Variants in ALDH1A2 observed in about 807,000 individuals in gnomAD.
ALDH1A2 encodes retinal dehydrogenase 2.
ALDH1A2 carries 27 observed loss-of-function variants against 60.3 expected under a neutral mutation model. The observed-to-expected ratio is 0.45, with a 90% CI of 0.33 to 0.62. ALDH1A2 has a LOEUF of 0.62. Ranked by LOEUF, ALDH1A2 falls within the 20% of genes least tolerant of loss-of-function variation. ALDH1A2 has a pLI of 0.02. For missense variants in ALDH1A2, 581 were observed against 643.8 expected, an observed-to-expected ratio of 0.90 and a Z score of 1.06; for synonymous variants, 289 against 232.4, an observed-to-expected ratio of 1.24 and a Z score of -2.21.
At chr15:58,028,291 A>G (rs1428093132) in intron 1 of ALDH1A2, among the ~76,000 whole-genome samples, 5 of 152,212 alleles carry the variant, frequency 3.3e-5, no homozygotes, top group Non-Finnish European at 5.9e-5. Context: ...TTTCCCATCC[A>G]GCCAAACTAA....
chr15:58,028,521 A>G (rs760549388), intron 1 of ALDH1A2, among the ~76,000 whole-genome samples: 1 of 152,226 alleles, frequency 6.6e-6, no homozygotes, highest in Non-Finnish European at 1.5e-5. Flanking sequence ...AACTAACATC[A>G]TAATGACAGG....
At chr15:57,965,952 C>T in intron 7 of ALDH1A2, 125 bp from the exon 8 acceptor site, 1 of 734,746 alleles carries the variant, frequency 1.4e-6, no homozygotes, top group Non-Finnish European at 2.4e-6. Context: ...GCCAACCCAG[C>T]TCTTGTCATC....
intron 1 of ALDH1A2, among the ~76,000 whole-genome samples, chr15:58,014,737 C>T (rs2578660): frequency 6.6e-6 from 1 of 152,184 alleles, no homozygotes; most frequent in African/African-American, 2.4e-5. Context: ...AAGCATTCAC[C>T]TAATTTATAC....
At chr15:58,031,050 A>C (rs1351505355) in intron 1 of ALDH1A2, among the ~76,000 whole-genome samples, 1 of 152,178 alleles carries the variant, frequency 6.6e-6, no homozygotes, top group African/African-American at 2.4e-5. Flanking sequence ...TAGAACCAAA[A>C]AAGAGCCCGC....
intron 12 of ALDH1A2, among the ~76,000 whole-genome samples, chr15:57,955,902 T>TTATG (rs1893508851): frequency 6.6e-6 from 1 of 152,198 alleles, no homozygotes; most frequent in African/African-American, 2.4e-5. Flanking sequence ...TTATCTAATC[T>TTATG]ATTTCATTAT....
At chr15:58,030,320 C>A (rs1261885018) in intron 1 of ALDH1A2, among the ~76,000 whole-genome samples, 1 of 152,080 alleles carries the variant, frequency 6.6e-6, no homozygotes, top group Non-Finnish European at 1.5e-5. Flanking sequence ...GCAGAAAAGG[C>A]CTTCAACAAA....
chr15:58,016,665 T>C (rs142639629), intron 1 of ALDH1A2, among the ~76,000 whole-genome samples: 135 of 152,302 alleles, frequency 8.9e-4, no homozygotes, highest in African/African-American at 2.7e-3. Context: ...GATCTTATAT[T>C]TCCTGTATTT....
intron 1 of ALDH1A2, among the ~76,000 whole-genome samples, chr15:58,039,030 G>A (rs1289127571): frequency 6.6e-6 from 1 of 151,738 alleles, no homozygotes; most frequent in Non-Finnish European, 1.5e-5. Context: ...CCATTCAGCA[G>A]ACATTCATTC....
At chr15:57,957,748 A>C (rs987555639) in intron 12 of ALDH1A2, among the ~76,000 whole-genome samples, 7 of 152,192 alleles carry the variant, frequency 4.6e-5, no homozygotes, top group African/African-American at 1.7e-4. Context: ...GCTCTTCGCC[A>C]GCCATTTTAG....
At chr15:57,977,620 TGTA>T (rs1317386092) in intron 7 of ALDH1A2, among the ~76,000 whole-genome samples, 1 of 152,214 alleles carries the variant, frequency 6.6e-6, no homozygotes, top group Non-Finnish European at 1.5e-5. Flanking sequence ...ACTGTAACCT[TGTA>T]GTAAAGTTTG....
chr15:58,042,881 G>C (rs1443130357), intron 1 of ALDH1A2, among the ~76,000 whole-genome samples: 2 of 151,964 alleles, frequency 1.3e-5, no homozygotes, highest in African/African-American at 4.8e-5. Flanking sequence ...GTGACTTGAA[G>C]TCTGAAAGGC....
intron 12 of ALDH1A2, among the ~76,000 whole-genome samples, chr15:57,957,100 T>A (rs1893553009): frequency 6.6e-6 from 1 of 152,104 alleles, no homozygotes; most frequent in African/African-American, 2.4e-5. Context: ...GGAAAGCCAG[T>A]AAGCAGTCTT....
At chr15:58,016,380 G>A (rs1346179410) in intron 1 of ALDH1A2, among the ~76,000 whole-genome samples, 1 of 151,998 alleles carries the variant, frequency 6.6e-6, no homozygotes, top group Non-Finnish European at 1.5e-5. Context: ...CTGACCTCAG[G>A]TGATCTGCCT....
chr15:58,004,730 C>CATT (rs1555402516), intron 4 of ALDH1A2, among the ~76,000 whole-genome samples: 1 of 140,712 alleles, frequency 7.1e-6, no homozygotes, highest in Admixed American at 7.5e-5. Flanking sequence ...TATATATATA[C>CATT]ATATATATAT....
At chr15:58,007,509 G>C (rs1323183697) in intron 4 of ALDH1A2, among the ~76,000 whole-genome samples, 1 of 151,974 alleles carries the variant, frequency 6.6e-6, no homozygotes, top group Non-Finnish European at 1.5e-5. Flanking sequence ...TACTAGCCAT[G>C]TGACCTTCTA....
chr15:57,978,534 C>T (rs1416974151), intron 7 of ALDH1A2, among the ~76,000 whole-genome samples: 2 of 152,106 alleles, frequency 1.3e-5, no homozygotes, highest in Non-Finnish European at 2.9e-5. Context: ...GGGATAAAGC[C>T]GACTGGATTG....
In ALDH1A2 at chr15:57,962,007, G is replaced by A. The variant is rs746602667; in HGVS notation, c.1251+5C>T. 2.2e-5 allele frequency: 36 copies of A among 1,613,994 alleles called. No individual in the cohort carries two copies. Among genetic ancestry groups the A allele is most frequent in the Non-Finnish European group, 3.0e-5 (35 of 1,180,006 alleles). ...TGGCTTTTGTAAGAACAGCATATTT[G>A]ATACCTCCTCCTTGGCAATCCGCAT... On this transcript the variant is annotated splice_donor_5th_base_variant and intron_variant, in intron 10 of 12. Transcript: ENST00000249750.
At chr15:57,988,908 CCTG>C (rs1894801637) in intron 7 of ALDH1A2, among the ~76,000 whole-genome samples, 1 of 152,168 alleles carries the variant, frequency 6.6e-6, no homozygotes, top group Non-Finnish European at 1.5e-5. Flanking sequence ...GTGGCTCACA[CCTG>C]TAATCCCAGC....
chr15:57,966,949 T>C (rs928890720), intron 7 of ALDH1A2, among the ~76,000 whole-genome samples: 50 of 152,220 alleles, frequency 3.3e-4, no homozygotes, highest in African/African-American at 1.1e-3. Flanking sequence ...AGAGCCGCCA[T>C]ATAGTCCATA....
Sources: allele counts gnomAD v4.1 joint callset (sites outside exome capture counted in the v4.1 genomes callset), GRCh38; gene constraint gnomAD v4.1.1; transcripts MANE v1.5; gene names NCBI Gene and HGNC (gene_info 2026-07-23, HGNC 2026-07-21).